RGS12: variants seen among roughly 807,000 people sequenced by gnomAD.
RGS12 encodes the protein regulator of G-protein signaling 12.
RGS12 carries 66 observed loss-of-function variants against 120.1 expected under a neutral mutation model. That is an observed-to-expected ratio of 0.55 (90% CI 0.45 to 0.67). RGS12 has a LOEUF of 0.67. Ranked by LOEUF, RGS12 falls within the 30% of genes least tolerant of loss-of-function variation. RGS12 has a pLI of 0.00. For missense variants in RGS12, 1,859 were observed against 1,957.7 expected (o/e 0.95, Z 0.95); for synonymous variants, 827 against 804.7 (o/e 1.03, Z -0.47).
At chr4:3,307,198 C>A (rs574605845) in intron 1 of RGS12, among the ~76,000 whole-genome samples, 1 of 152,278 alleles carries the variant, frequency 6.6e-6, no homozygotes, top group South Asian at 2.1e-4. Flanking sequence ...CCTTTGCCGA[C>A]GTGTTGCCGC....
chr4:3,338,017 A>G (rs1232063879), intron 2 of RGS12, among the ~76,000 whole-genome samples: 3 of 152,122 alleles, frequency 2.0e-5, no homozygotes, highest in Admixed American at 2.0e-4. Context: ...AATGGTTCTT[A>G]CGCCAAAATG....
intron 2 of RGS12, chr4:3,342,679 G>GCCTCCACCTCT: frequency 1.0e-6 from 1 of 952,780 alleles, no homozygotes; most frequent in Non-Finnish European, 1.5e-6. Flanking sequence ...TGTTTACAGA[G>GCCTCCACCTCT]GTGGAGGCTT....
At chr4:3,363,166 A>T (rs1715902079) in intron 3 of RGS12, among the ~76,000 whole-genome samples, 1 of 147,332 alleles carries the variant, frequency 6.8e-6, no homozygotes, top group South Asian at 2.2e-4. Context: ...CGTGTGTGTG[A>T]GTGTGCGTCA....
At chr4:3,344,817 C>G (rs1560102520) in intron 3 of RGS12, among the ~76,000 whole-genome samples, 2 of 152,204 alleles carry the variant, frequency 1.3e-5, no homozygotes, top group Non-Finnish European at 2.9e-5. Flanking sequence ...AAATCTCTTA[C>G]TGGGGCCAAG....
chr4:3,382,145 C>G (rs1690722583), intron 3 of RGS12, among the ~76,000 whole-genome samples: 1 of 152,156 alleles, frequency 6.6e-6, no homozygotes, highest in Non-Finnish European at 1.5e-5. Context: ...TTTCACAGAT[C>G]TTACATTTTA....
At chr4:3,373,177 C>T (rs985142503) in intron 3 of RGS12, among the ~76,000 whole-genome samples, 3 of 152,182 alleles carry the variant, frequency 2.0e-5, no homozygotes, top group Non-Finnish European at 2.9e-5. Context: ...TGGCTGCTGG[C>T]GACACGCAGC....
At chr4:3,392,729 C>A (rs1719634169) in intron 4 of RGS12, among the ~76,000 whole-genome samples, 1 of 152,194 alleles carries the variant, frequency 6.6e-6, no homozygotes, top group South Asian at 2.1e-4. Context: ...TGGTTCATGC[C>A]TGTAATCCCA....
At position 3,316,359 on chromosome 4, in the gene RGS12, G is replaced by T; in HGVS notation, c.189G>T (p.Gln63His). ...TCGTGGGCCTCCGAGCTGGAGACCA[G>T]ATACTTGCTGTCAATGAAATCAACG... ...ADFVGLRAGD[Q>H]ILAVNEINVK... The change falls in exon 2 of 18, where the codon CAG becomes CAT. Residue 63 changes from glutamine to histidine, a missense_variant. By Grantham distance (24) the Gln-to-His change is conservative. This residue lies in a region of RGS12 where 967 missense variants were observed against 994.2 expected (regional missense o/e 0.97). Transcript: ENST00000336727. 1.2e-6 allele frequency: 2 copies of T among 1,613,170 alleles called. No individual in the cohort carries two copies. Among genetic ancestry groups the T allele is most frequent in the Non-Finnish European group, 1.7e-6 (2 of 1,179,566 alleles).
intron 2 of RGS12, among the ~76,000 whole-genome samples, chr4:3,337,937 T>C (rs3129335): frequency 1 from 152,060 of 152,362 alleles, 75,880 homozygotes; most frequent in East Asian, 1. Context: ...AGGTCAGCCA[T>C]GAGCTGTGTG....
chr4:3,414,570 G>A, intron 5 of RGS12, 182 bp from the exon 6 acceptor site: 1 of 611,022 alleles, frequency 1.6e-6, no homozygotes, highest in East Asian at 2.7e-5. Context: ...TTTGCTTTTG[G>A]GGAAACAGCT....
chr4:3,333,752 C>T (rs1712137795), intron 2 of RGS12, among the ~76,000 whole-genome samples: 1 of 152,180 alleles, frequency 6.6e-6, no homozygotes, highest in Non-Finnish European at 1.5e-5. Flanking sequence ...TTTCTGTCTT[C>T]TAGGGCAGGT....
chr4:3,355,440 G>A (rs1396196508), intron 3 of RGS12, among the ~76,000 whole-genome samples: 1 of 152,176 alleles, frequency 6.6e-6, no homozygotes, highest in Non-Finnish European at 1.5e-5. Context: ...CAAAGAAGAA[G>A]TGAAAATGTT....
chr4:3,286,547 G>C, the RGS12 span, among the ~76,000 whole-genome samples: 1 of 152,310 alleles, frequency 6.6e-6, no homozygotes. Context: ...AGCCCCTGTG[G>C]GCCCTGCTCC....
chr4:3,428,112 T>C lies in RGS12; in HGVS notation c.3354T>C (p.Gly1118=). 6.2e-7 allele frequency: 1 copy of C among 1,613,694 alleles called. No individual in the cohort carries two copies. The highest frequency in any genetic ancestry group is 8.5e-7 in the Non-Finnish European group (1 of 1,179,800). The change falls in exon 15 of 18, where the codon GGT becomes GGC. Residue 1118 remains glycine (G), a synonymous_variant. Transcript: ENST00000336727. ...TAGCATCCGCAGATAAACAGAAAGGTGTGCCAGTGAAACAGAACACAGCTG... is the reference window on the plus strand; with the variant it reads ...TAGCATCCGCAGATAAACAGAAAGGCGTGCCAGTGAAACAGAACACAGCTG... ...RGKASADKQK[G]VPVKQNTAVN...
chr4:3,391,268 G>A (rs1389557838), intron 4 of RGS12, among the ~76,000 whole-genome samples: 1 of 152,228 alleles, frequency 6.6e-6, no homozygotes, highest in Non-Finnish European at 1.5e-5. Context: ...GAGATTTTCA[G>A]TTTTGGAAGT....
In RGS12 at chr4:3,372,735, G is replaced by A. The variant is rs1717161252; in HGVS notation, c.1999-13681G>A. Among the ~76,000 whole-genome samples, 1 of 152,224 alleles carries A rather than the reference G, an allele frequency of 6.6e-6. No individual in the cohort carries two copies. The highest frequency in any genetic ancestry group is 6.5e-5 in the Admixed American group (1 of 15,288). ...GTTTCTCAAGGCAAAGCCCTTTAGA[G>A]ACTTGGGAGCACATGAGGTGCGGTG... On this transcript the variant is annotated intron_variant, in intron 3 of 17. Transcript: ENST00000336727. The surrounding 1 kb of genome is among the most constrained non-coding windows in gnomAD (Gnocchi z 4.3).
intron 4 of RGS12, among the ~76,000 whole-genome samples, chr4:3,412,555 T>C (rs898335286): frequency 5.9e-5 from 9 of 152,254 alleles, no homozygotes; most frequent in African/African-American, 2.2e-4. Flanking sequence ...GCCTTGACTT[T>C]ACAGCAGTGC....
chr4:3,416,019 C>T lies in RGS12; in HGVS notation c.2325C>T (p.Cys775=). The change falls in exon 7 of 18, where the codon TGC becomes TGT. Residue 775 remains cysteine (C), a synonymous_variant. Transcript: ENST00000336727. ...RAREIFSKFL[C]SKATTPVNID... is the part of the protein sequence containing the mutation. The stretch of plus-strand genomic sequence containing the variant: ...GGGAGATTTTCAGTAAGTTTCTCTG[C>T]AGCAAAGCCACCACCCCGGTCAACA... The T allele has an allele frequency of 1.9e-6, 3 of 1,613,572 alleles. No homozygotes were observed. The highest frequency in any genetic ancestry group is 2.5e-6 in the Non-Finnish European group (3 of 1,179,840).
At position 3,308,204 on chromosome 4, in the gene RGS12, C is replaced by G. The variant is rs150177319; in HGVS notation, c.-101-7866C>G. Among the ~76,000 whole-genome samples, 76 of 152,348 alleles carry G rather than the reference C, an allele frequency of 5.0e-4. 1 individual carries two copies. The highest frequency in any genetic ancestry group is 1.3e-4 in the Non-Finnish European group (9 of 68,038). On this transcript the variant is annotated intron_variant, in intron 1 of 17. Coordinates refer to ENST00000336727, the MANE Select transcript of RGS12 (RefSeq NM_001394154.1). ...TCTGCGTCTGCTGTGTTCCTCCCAACGCCTGCAGCACCCCAATTTTTGGCC... is the reference window on the plus strand; with the variant it reads ...TCTGCGTCTGCTGTGTTCCTCCCAAGGCCTGCAGCACCCCAATTTTTGGCC...
Sources: allele counts gnomAD v4.1 joint callset (sites outside exome capture counted in the v4.1 genomes callset), GRCh38; gene constraint gnomAD v4.1.1; regional missense constraint gnomAD v4.1.1; non-coding constraint Gnocchi (gnomAD v3.1); transcripts MANE v1.5; gene names NCBI Gene and HGNC (gene_info 2026-07-23, HGNC 2026-07-21).